Variants in PIAS1 observed in about 807,000 individuals in gnomAD.
The protein encoded by PIAS1 is E3 SUMO-protein ligase PIAS1.
In PIAS1, 6 loss-of-function variants were observed where a neutral mutation model predicts 71.3. The observed-to-expected ratio is 0.08, with a 90% CI of 0.05 to 0.17. PIAS1 has a LOEUF of 0.17. Among genes scored for constraint, PIAS1 ranks in the 10% least tolerant of loss-of-function variants. The pLI is 1.00. For synonymous variants in PIAS1, 303 were observed against 292.9 expected (o/e 1.03, Z -0.35); for missense variants, 555 against 793.6 (o/e 0.70, Z 3.61).
intron 1 of PIAS1, among the ~76,000 whole-genome samples, chr15:68,080,920 G>A (rs1486218720): frequency 1.3e-5 from 2 of 152,180 alleles, no homozygotes; most frequent in Non-Finnish European, 2.9e-5. Context: ...GTGTGAACAA[G>A]AGTAATTATG....
chr15:68,154,369 T>C (rs1018564439), intron 7 of PIAS1, among the ~76,000 whole-genome samples: 3 of 152,148 alleles, frequency 2.0e-5, no homozygotes, highest in African/African-American at 7.2e-5. Context: ...AAGTTCTTCG[T>C]TTATTCTTTT....
At chr15:68,183,201 A>G (rs940025847) in intron 12 of PIAS1, among the ~76,000 whole-genome samples, 1 of 152,230 alleles carries the variant, frequency 6.6e-6, no homozygotes, top group Non-Finnish European at 1.5e-5. Flanking sequence ...ACTACAACTT[A>G]CTTAACCTAA....
chr15:68,068,963 T>C (rs1196206642), intron 1 of PIAS1, among the ~76,000 whole-genome samples: 1 of 150,914 alleles, frequency 6.6e-6, no homozygotes, highest in Admixed American at 6.6e-5. Flanking sequence ...TGGCACAATA[T>C]TGGCTCACTG....
intron 6 of PIAS1, among the ~76,000 whole-genome samples, chr15:68,151,707 C>CACACACACACAAAA (rs140053964): frequency 7.4e-5 from 10 of 134,402 alleles, no homozygotes; most frequent in Non-Finnish European, 1.3e-4. Context: ...CACACACACA[C>CACACACACACAAAA]AAATTAGCTA....
chr15:68,062,889 A>G (rs1473804378), intron 1 of PIAS1, among the ~76,000 whole-genome samples: 1 of 152,228 alleles, frequency 6.6e-6, no homozygotes, highest in Non-Finnish European at 1.5e-5. Context: ...TGTCCAGACA[A>G]TGAGATGGTC....
chr15:68,153,715 T>G lies in PIAS1; in HGVS notation c.934+20T>G. 8.6e-7 allele frequency: 1 copy of G among 1,156,470 alleles called. No homozygotes were observed. The highest frequency in any genetic ancestry group is 1.3e-6 in the Non-Finnish European group (1 of 767,878). The allele number at this position is 1,156,470 out of a possible 1,614,324, so 71.6% of individuals were successfully genotyped here. ...CTTTAAGTACGTATGATAAACTTAT[T>G]TCACTTATTCAGCTATTTTGTTAAA... is the stretch of plus-strand genomic sequence containing the variant. On this transcript the variant is annotated intron_variant, in intron 7 of 13. Coordinates refer to ENST00000249636, the MANE Select transcript of PIAS1 (RefSeq NM_016166.3).
chr15:68,136,837 T>A (rs2092737264), intron 2 of PIAS1, among the ~76,000 whole-genome samples: 1 of 152,226 alleles, frequency 6.6e-6, no homozygotes, highest in Non-Finnish European at 1.5e-5. Context: ...AGGAAATATT[T>A]GTAGCAAATT....
At chr15:68,085,833 C>A (rs768486593) in intron 1 of PIAS1, among the ~76,000 whole-genome samples, 3 of 152,154 alleles carry the variant, frequency 2.0e-5, no homozygotes, top group Non-Finnish European at 4.4e-5. Flanking sequence ...TTGATAATAG[C>A]TATTGATATC....
intron 2 of PIAS1, among the ~76,000 whole-genome samples, chr15:68,089,619 A>G (rs971146476): frequency 8.5e-5 from 13 of 152,058 alleles, no homozygotes; most frequent in African/African-American, 2.7e-4. Context: ...CAGTGGCACA[A>G]TCTAGGCTCA....
At chr15:68,115,407 T>G (rs2092557366) in intron 2 of PIAS1, among the ~76,000 whole-genome samples, 1 of 152,136 alleles carries the variant, frequency 6.6e-6, no homozygotes, top group African/African-American at 2.4e-5. Context: ...GACTGGTTTT[T>G]GTATAGCATC....
intron 2 of PIAS1, among the ~76,000 whole-genome samples, chr15:68,131,426 G>A (rs1271241871): frequency 6.6e-6 from 1 of 151,476 alleles, no homozygotes; most frequent in Non-Finnish European, 1.5e-5. Flanking sequence ...TTTACTCTTA[G>A]CAATTTTAAA....
In PIAS1 at chr15:68,162,540, A is replaced by G. The variant is rs941494447; in HGVS notation, c.935-2191A>G. 2.3e-4 allele frequency among the ~76,000 whole-genome samples: 35 copies of G among 152,280 alleles called. 1 individual carries two copies. The highest frequency in any genetic ancestry group is 8.2e-4 in the African/African-American group (34 of 41,570). On this transcript the variant is annotated intron_variant, in intron 7 of 13. Transcript: ENST00000249636. ...AGATGTATTAGGGGAATTGGCTCAC[A>G]TGACTATGAAGGCTGAGAATGCCCA...
At chr15:68,162,502 G>A (rs2092930902) in intron 7 of PIAS1, among the ~76,000 whole-genome samples, 3 of 151,988 alleles carry the variant, frequency 2.0e-5, no homozygotes, top group Admixed American at 2.0e-4. Context: ...ATGAGAGAGA[G>A]TGAGTTAAGA....
intron 1 of PIAS1, among the ~76,000 whole-genome samples, chr15:68,064,683 T>G (rs1229708653): frequency 6.6e-6 from 1 of 152,224 alleles, no homozygotes; most frequent in Admixed American, 6.5e-5. Context: ...AAAAATACTC[T>G]ATTTTTTCCC....
chr15:68,090,409 G>A (rs1306516124), intron 2 of PIAS1, among the ~76,000 whole-genome samples: 1 of 152,006 alleles, frequency 6.6e-6, no homozygotes, highest in Non-Finnish European at 1.5e-5. Flanking sequence ...GTCTCATTAT[G>A]TTGCCCAGGC....
At chr15:68,109,919 T>C (rs2092507503) in intron 2 of PIAS1, among the ~76,000 whole-genome samples, 1 of 152,206 alleles carries the variant, frequency 6.6e-6, no homozygotes, top group Admixed American at 6.5e-5. Flanking sequence ...CTGCATGGGA[T>C]GTTAGTAGGT....
Position 68,175,707 on chromosome 15 carries a change from G to A in PIAS1, c.1240G>A (p.Ala414Thr). ...EIQFKEDGTW[A>T]PMRSKKEVQE... ...ACAATTTAAGGAGGATGGCACTTGGGCACCGATGAGATCAAAAAAGGAAGT... is the reference window on the plus strand; with the variant it reads ...ACAATTTAAGGAGGATGGCACTTGGACACCGATGAGATCAAAAAAGGAAGT... The change falls in exon 10 of 14, where the codon GCA becomes ACA. Residue 414 changes from alanine to threonine, a missense_variant. Around this residue, in one of 5 missense-constraint regions of PIAS1, gnomAD observed 244 missense variants for 307.5 expected, o/e 0.79. Coordinates refer to ENST00000249636, the MANE Select transcript of PIAS1 (RefSeq NM_016166.3). The A allele has an allele frequency of 1.2e-6, 2 of 1,604,660 alleles. No individual in the cohort carries two copies. Among genetic ancestry groups the A allele is most frequent in the Non-Finnish European group, 1.7e-6 (2 of 1,174,226 alleles).
intron 8 of PIAS1, among the ~76,000 whole-genome samples, chr15:68,168,841 CTG>C (rs1472345829): frequency 6.6e-6 from 1 of 152,190 alleles, no homozygotes; most frequent in East Asian, 1.9e-4. Context: ...CTTAAAAACT[CTG>C]TAGGTCACCT....
At chr15:68,172,247 C>T (rs975373170) in intron 8 of PIAS1, among the ~76,000 whole-genome samples, 1 of 152,184 alleles carries the variant, frequency 6.6e-6, no homozygotes, top group African/African-American at 2.4e-5. Flanking sequence ...ATGAACTCAT[C>T]CTTTTTTATG....
Sources: gnomAD v4.1 joint callset for allele counts (sites outside exome capture counted in the v4.1 genomes callset) on GRCh38, gnomAD v4.1.1 for gene constraint, gnomAD v4.1.1 regional missense constraint, MANE v1.5 for transcripts, NCBI Gene and HGNC (gene_info 2026-07-23, HGNC 2026-07-21) for gene names.